HECTD2: variants seen among roughly 807,000 people sequenced by gnomAD.
The protein encoded by HECTD2 is probable E3 ubiquitin-protein ligase HECTD2.
In HECTD2, 35 loss-of-function variants were observed where a neutral mutation model predicts 103.2. That is an observed-to-expected ratio of 0.34 (90% CI 0.26 to 0.45). HECTD2 has a LOEUF of 0.45. Ranked by LOEUF, HECTD2 falls within the 20% of genes least tolerant of loss-of-function variation. The probability of loss-of-function intolerance (pLI) is 1.00; values close to 1 mark genes in which losing one functional copy is unlikely to be tolerated. For missense variants in HECTD2, 596 were observed against 937.4 expected (o/e 0.64, Z 4.76); for synonymous variants, 281 against 329.9 (o/e 0.85, Z 1.61).
At chr10:91,481,623 C>G (rs1317806474) in intron 7 of HECTD2, among the ~76,000 whole-genome samples, 1 of 150,666 alleles carries the variant, frequency 6.6e-6, no homozygotes. Flanking sequence ...TGTTATAAAG[C>G]GAAGATAATG....
At chr10:91,474,845 G>A (rs904801387) in intron 5 of HECTD2, among the ~76,000 whole-genome samples, 13 of 152,198 alleles carry the variant, frequency 8.5e-5, no homozygotes, top group Non-Finnish European at 1.9e-4. Flanking sequence ...CTTTTAGCTA[G>A]GAAGCTCAGG....
rs191911699 is a variant in HECTD2 at position 91,437,527 on chromosome 10, T to G, written c.268+12117T>G. ...GGCTTATATTCAAAGGGAGGCGAAT[T>G]AGACTCCATCCTTTGTTGGGGGGAG... On this transcript the variant is annotated intron_variant, in intron 2 of 20. Transcript: ENST00000298068. Among the ~76,000 whole-genome samples, 125 of 152,036 alleles carry G rather than the reference T, an allele frequency of 8.2e-4. 2 individuals carry two copies. The highest frequency in any genetic ancestry group is 3.0e-3 in the African/African-American group (125 of 41,498).
At chr10:91,429,456 C>G (rs1485340944) in intron 2 of HECTD2, among the ~76,000 whole-genome samples, 1 of 152,026 alleles carries the variant, frequency 6.6e-6, no homozygotes, top group Admixed American at 6.6e-5. Flanking sequence ...AGGAATGGTA[C>G]CAGTTCCTCC....
At chr10:91,432,468 A>G (rs1843927569) in intron 2 of HECTD2, among the ~76,000 whole-genome samples, 2 of 151,902 alleles carry the variant, frequency 1.3e-5, no homozygotes, top group Non-Finnish European at 2.9e-5. Flanking sequence ...ACCTACTGTA[A>G]CAGCTGCTAG....
intron 2 of HECTD2, among the ~76,000 whole-genome samples, chr10:91,451,999 C>G (rs1359823217): frequency 6.6e-6 from 1 of 151,948 alleles, no homozygotes; most frequent in Non-Finnish European, 1.5e-5. Context: ...ATACAACAAT[C>G]AAAGTAAAAA....
At chr10:91,475,834 G>A (rs1320363557) in intron 5 of HECTD2, among the ~76,000 whole-genome samples, 1 of 152,148 alleles carries the variant, frequency 6.6e-6, no homozygotes, top group African/African-American at 2.4e-5. Flanking sequence ...ATGAACTGTG[G>A]GTGAGAGGGC....
In HECTD2 at chr10:91,417,230, T is replaced by C. The variant is rs534820227; in HGVS notation, c.138+6654T>C. On this transcript the variant is annotated intron_variant, in intron 1 of 20. Coordinates refer to ENST00000298068, the MANE Select transcript of HECTD2 (RefSeq NM_182765.6). Reference sequence around the variant, plus strand: ...TATACTGGTGAGCTATATGAATAACTACTTACTCTTAAGTTGATATTTGTA... The same window carrying C: ...TATACTGGTGAGCTATATGAATAACCACTTACTCTTAAGTTGATATTTGTA... 2.6e-5 allele frequency among the ~76,000 whole-genome samples: 4 copies of C among 152,312 alleles called. No homozygotes were observed. In the East Asian group the frequency reaches 7.7e-4, roughly 29 times the overall value.
intron 1 of HECTD2, among the ~76,000 whole-genome samples, 176 bp from the exon 2 acceptor site, chr10:91,425,105 T>A (rs1172303051): frequency 6.6e-6 from 1 of 152,122 alleles, no homozygotes; most frequent in Non-Finnish European, 1.5e-5. Flanking sequence ...ATAATAAGGC[T>A]GTTTTATATG....
At chr10:91,512,165 A>G (rs971324056) in intron 20 of HECTD2, 99 bp from the exon 21 acceptor site, 2 of 1,259,992 alleles carry the variant, frequency 1.6e-6, no homozygotes, top group Non-Finnish European at 2.2e-6. Flanking sequence ...AGAGTGAAAT[A>G]GATTTGAATG....
At chr10:91,412,667 A>AGTGTGT (rs1314470659) in intron 1 of HECTD2, among the ~76,000 whole-genome samples, 8 of 56,698 alleles carry the variant, frequency 1.4e-4, no homozygotes, top group Non-Finnish European at 2.1e-4. Flanking sequence ...TCTGTGGCAG[A>AGTGTGT]ATGTGTGTGT....
chr10:91,420,965 A>G (rs1367792216), intron 1 of HECTD2, among the ~76,000 whole-genome samples: 2 of 152,172 alleles, frequency 1.3e-5, no homozygotes, highest in African/African-American at 4.8e-5. Flanking sequence ...CAATTTAAAT[A>G]TAAGGGAACA....
At chr10:91,483,399 T>G (rs961386708) in intron 8 of HECTD2, among the ~76,000 whole-genome samples, 1 of 152,012 alleles carries the variant, frequency 6.6e-6, no homozygotes, top group Non-Finnish European at 1.5e-5. Context: ...GCTCAGACAC[T>G]ACTATTTTAA....
chr10:91,418,588 C>T (rs986728254), intron 1 of HECTD2, among the ~76,000 whole-genome samples: 5 of 152,084 alleles, frequency 3.3e-5, no homozygotes, highest in African/African-American at 1.2e-4. Flanking sequence ...AAGTAGCTGA[C>T]TTTTCATATC....
intron 5 of HECTD2, among the ~76,000 whole-genome samples, chr10:91,472,453 A>C (rs1845761370): frequency 6.6e-6 from 1 of 152,210 alleles, no homozygotes; most frequent in African/African-American, 2.4e-5. Context: ...AAAATTGATG[A>C]ATGTGACCTA....
At chr10:91,458,015 G>T (rs7907010) in intron 2 of HECTD2, among the ~76,000 whole-genome samples, 28,427 of 137,016 alleles carry the variant, frequency 0.21, 6,735 homozygotes, top group African/African-American at 0.59. Context: ...TGGCATAATT[G>T]TCTATGCAAA....
At chr10:91,465,741 T>C (rs1234084791) in intron 5 of HECTD2, among the ~76,000 whole-genome samples, 3 of 152,196 alleles carry the variant, frequency 2.0e-5, no homozygotes, top group South Asian at 2.1e-4. Flanking sequence ...CATTAGTTGA[T>C]TTTCAGGTGT....
intron 20 of HECTD2, among the ~76,000 whole-genome samples, chr10:91,506,314 A>C (rs1276864233): frequency 7.0e-6 from 1 of 142,068 alleles, no homozygotes; most frequent in Non-Finnish European, 1.5e-5. Flanking sequence ...AAAACCCTTC[A>C]ATAAACTAAT....
intron 5 of HECTD2, among the ~76,000 whole-genome samples, chr10:91,468,954 A>AC (rs1386011159): frequency 6.6e-6 from 1 of 151,736 alleles, no homozygotes; most frequent in Non-Finnish European, 1.5e-5. Flanking sequence ...AAAAAAAAAA[A>AC]AAACAAGAGT....
intron 2 of HECTD2, among the ~76,000 whole-genome samples, chr10:91,431,433 C>G (rs1001904990): frequency 2.6e-5 from 4 of 152,098 alleles, no homozygotes; most frequent in African/African-American, 9.7e-5. Flanking sequence ...GCCTGCCTTG[C>G]TAGATTGGGG....
Sources: allele counts gnomAD v4.1 joint callset (sites outside exome capture counted in the v4.1 genomes callset), GRCh38; gene constraint gnomAD v4.1.1; transcripts MANE v1.5; gene names NCBI Gene and HGNC (gene_info 2026-07-23, HGNC 2026-07-21).